Variants in RAB9A observed in about 807,000 individuals in gnomAD.
RAB9A encodes ras-related protein Rab-9A.
A neutral mutation model predicts 10.3 loss-of-function variants in RAB9A; 1 was observed. The ratio of observed to expected loss-of-function variants is 0.10; its 90% CI spans 0.03 to 0.46. The LOEUF is 0.46. Among genes scored for constraint, RAB9A ranks in the 20% least tolerant of loss-of-function variants. The pLI is 0.96. For missense variants in RAB9A, 92 were observed against 150.3 expected (o/e 0.61, Z 2.03); for synonymous variants, 39 against 55.2 (o/e 0.71, Z 1.30).
At chrX:13,691,224 G>C (rs1481757477) in intron 1 of RAB9A, among the ~76,000 whole-genome samples, 2 of 111,838 alleles carry the variant, frequency 1.8e-5, no homozygotes, top group Non-Finnish European at 3.8e-5. Flanking sequence ...CTTTTCAGCA[G>C]TCCAAGTAAC....
chrX:13,693,831 T>C (rs1270200825), intron 1 of RAB9A, among the ~76,000 whole-genome samples: 1 of 111,339 alleles, frequency 9.0e-6, no homozygotes, highest in African/African-American at 3.3e-5. Flanking sequence ...GGCTTCACAT[T>C]CTGGCTGCAT....
chrX:13,690,928 A>G (rs777125895), intron 1 of RAB9A, among the ~76,000 whole-genome samples: 1 of 110,276 alleles, frequency 9.1e-6, no homozygotes, highest in African/African-American at 3.3e-5. Context: ...GGTCTGGGTA[A>G]TTTTAGAGTA....
chrX:13,692,140 CAA>C (rs1158443170), intron 1 of RAB9A, among the ~76,000 whole-genome samples: 2 of 109,515 alleles, frequency 1.8e-5, no homozygotes, highest in Non-Finnish European at 3.8e-5. Context: ...CCCGTCTCTA[CAA>C]AAAATAAATT....
intron 1 of RAB9A, among the ~76,000 whole-genome samples, chrX:13,700,291 A>C (rs544839721): frequency 1.8e-5 from 2 of 111,562 alleles, no homozygotes; most frequent in African/African-American, 6.5e-5. Context: ...GAGGCTTTCT[A>C]TTCTTCCCCT....
intron 1 of RAB9A, among the ~76,000 whole-genome samples, chrX:13,698,181 CTTTTTTTTCTTTTTTTTTT>C (rs201514559): frequency 0.36 from 27,596 of 76,330 alleles, 3,075 homozygotes; most frequent in South Asian, 0.62. Context: ...TCTTCTTTTT[CTTTTTTTTCTTTTTTTTTT>C]TTTTTTTTTT....
In RAB9A at chrX:13,710,163, A is replaced by G. The variant is rs771411030; in HGVS notation, c.*811A>G. On this transcript the variant is annotated 3_prime_UTR_variant, in exon 3 of 3. Coordinates refer to ENST00000464506, the MANE Select transcript of RAB9A (RefSeq NM_004251.5). ...TTTGATAACTGATGTAATAATTACAATGTACTGTGTGGAAGATACAAAATT... is the reference window on the plus strand; with the variant it reads ...TTTGATAACTGATGTAATAATTACAGTGTACTGTGTGGAAGATACAAAATT... The G allele has an allele frequency of 3.5e-4, 43 of 124,486 alleles. No homozygotes were observed. Among genetic ancestry groups the G allele is most frequent in the African/African-American group, 1.1e-3 (34 of 31,241 alleles). The allele number at this position is 124,486 out of a possible 1,213,427, so 10.3% of individuals were successfully genotyped here. A position where few individuals can be genotyped will look rare whatever the true frequency, so the allele number is the denominator to read the frequency against.
In RAB9A at chrX:13,709,508, C is replaced by A; in HGVS notation, c.*156C>A. 1.9e-6 allele frequency: 1 copy of A among 529,739 alleles called. No individual in the cohort carries two copies. Among genetic ancestry groups the A allele is most frequent in the Non-Finnish European group, 3.0e-6 (1 of 336,774 alleles). The allele number at this position is 529,739 out of a possible 1,213,427, so 43.7% of individuals were successfully genotyped here. ...TTAGTTGGTGGGAGAAGGGACACAT[C>A]CACTCTTGGAGGAATATATTTACTC... On this transcript the variant is annotated 3_prime_UTR_variant, in exon 3 of 3. Coordinates refer to ENST00000464506, the MANE Select transcript of RAB9A (RefSeq NM_004251.5).
At chrX:13,696,199 G>A (rs1020008079) in intron 1 of RAB9A, among the ~76,000 whole-genome samples, 1 of 106,550 alleles carries the variant, frequency 9.4e-6, no homozygotes, top group Non-Finnish European at 1.9e-5. Context: ...CTTGAGCCCA[G>A]GAGTTCAAGA....
intron 1 of RAB9A, among the ~76,000 whole-genome samples, chrX:13,701,052 G>A (rs767371767): frequency 8.0e-5 from 9 of 112,303 alleles, no homozygotes; most frequent in East Asian, 2.8e-4. Context: ...GTTTACAGGC[G>A]TGAGCCATGG....
At chrX:13,703,055 A>C (rs753971418) in intron 1 of RAB9A, among the ~76,000 whole-genome samples, 1 of 113,110 alleles carries the variant, frequency 8.8e-6, no homozygotes, top group Non-Finnish European at 1.9e-5. Context: ...GTAAGATTGG[A>C]GATTACTAGT....
chrX:13,700,597 G>A (rs1382718499), intron 1 of RAB9A, among the ~76,000 whole-genome samples: 3 of 111,256 alleles, frequency 2.7e-5, no homozygotes, highest in South Asian at 3.7e-4. Context: ...TGTTGGTACC[G>A]GCACGTGGTG....
chrX:13,699,489 T>C (rs1285080288), intron 1 of RAB9A, among the ~76,000 whole-genome samples: 1 of 111,377 alleles, frequency 9.0e-6, no homozygotes, highest in African/African-American at 3.3e-5. Flanking sequence ...TCCCAGGGAG[T>C]TGACATTGTA....
chrX:13,697,761 C>T (rs966254115), intron 1 of RAB9A, among the ~76,000 whole-genome samples: 2 of 111,715 alleles, frequency 1.8e-5, no homozygotes, highest in African/African-American at 6.5e-5. Flanking sequence ...TCTTGGTGTC[C>T]AAACTCCTTA....
intron 1 of RAB9A, among the ~76,000 whole-genome samples, chrX:13,690,903 C>G (rs1019572308): frequency 9.1e-6 from 1 of 110,234 alleles, no homozygotes; most frequent in Non-Finnish European, 1.9e-5. Context: ...TGGGGTGGAG[C>G]GGGGATTCAA....
In RAB9A at chrX:13,710,268, C is replaced by A. The variant is rs878958897; in HGVS notation, c.*916C>A. ...GTTTCTTAATTGAAGTTAAAACATTCCTTTATAACACAAGACACAAGCTGA... is the reference window on the plus strand; with the variant it reads ...GTTTCTTAATTGAAGTTAAAACATTACTTTATAACACAAGACACAAGCTGA... On this transcript the variant is annotated 3_prime_UTR_variant, in exon 3 of 3. Coordinates refer to ENST00000464506, the MANE Select transcript of RAB9A (RefSeq NM_004251.5). 4 of 123,711 alleles carry A rather than the reference C, an allele frequency of 3.2e-5. No individual in the cohort carries two copies. The highest frequency in any genetic ancestry group is 1.3e-4 in the African/African-American group (4 of 30,933). The allele number at this position is 123,711 out of a possible 1,213,427, so 10.2% of individuals were successfully genotyped here. A position where few individuals can be genotyped will look rare whatever the true frequency, so the allele number is the denominator to read the frequency against.
intron 2 of RAB9A, among the ~76,000 whole-genome samples, chrX:13,704,820 A>G (rs1232798559): frequency 9.0e-6 from 1 of 110,781 alleles, no homozygotes; most frequent in Non-Finnish European, 1.9e-5. Context: ...AGGTCTCACC[A>G]TGTTGGCCAG....
At chrX:13,696,488 C>G (rs2046148616) in intron 1 of RAB9A, among the ~76,000 whole-genome samples, 1 of 111,762 alleles carries the variant, frequency 8.9e-6, no homozygotes, top group South Asian at 3.7e-4. Context: ...AGACAGATGG[C>G]TACACCTGAG....
Position 13,709,103 on chromosome X carries a change from T to C in RAB9A, c.357T>C (p.Phe119=). The change falls in exon 3 of 3, where the codon TTT becomes TTC. Residue 119 remains phenylalanine (F), a synonymous_variant. Coordinates refer to ENST00000464506, the MANE Select transcript of RAB9A (RefSeq NM_004251.5). ...TGAAAGAGCCTGAGAGCTTTCCTTT[T>C]GTGATTCTGGGTAACAAGATTGACA... ...ADVKEPESFP[F]VILGNKIDIS... is the part of the protein sequence containing the mutation. 8.3e-7 allele frequency: 1 copy of C among 1,211,806 alleles called. No individual in the cohort carries two copies. Among genetic ancestry groups the C allele is most frequent in the East Asian group, 3.0e-5 (1 of 33,869 alleles).
intron 1 of RAB9A, among the ~76,000 whole-genome samples, chrX:13,702,067 C>G (rs2046176560): frequency 9.0e-6 from 1 of 111,188 alleles, no homozygotes; most frequent in Non-Finnish European, 1.9e-5. Flanking sequence ...GGCAGAAATC[C>G]TTTCCATGGC....
Sources: allele counts gnomAD v4.1 joint callset (sites outside exome capture counted in the v4.1 genomes callset), GRCh38; gene constraint gnomAD v4.1.1; transcripts MANE v1.5; gene names NCBI Gene and HGNC (gene_info 2026-07-23, HGNC 2026-07-21).